HIRA: variants seen among roughly 807,000 people sequenced by gnomAD.
The protein encoded by HIRA is protein HIRA.
In HIRA, 13 loss-of-function variants were observed where a neutral mutation model predicts 126.6. The ratio of observed to expected loss-of-function variants is 0.10; its 90% CI spans 0.07 to 0.16. The LOEUF is 0.16. Among genes scored for constraint, HIRA ranks in the 10% least tolerant of loss-of-function variants. HIRA has a pLI of 1.00. For missense variants in HIRA, 834 were observed against 1,314.4 expected (o/e 0.63, Z 5.65); for synonymous variants, 511 against 520.0 (o/e 0.98, Z 0.24).
In HIRA at chr22:19,346,907, G is replaced by A. The variant is rs1284826234; in HGVS notation, c.2937+4451C>T. Among the ~76,000 whole-genome samples the A allele has an allele frequency of 2.6e-5, 4 of 152,180 alleles. No individual in the cohort carries two copies. The East Asian group carries it at 7.7e-4, about 29-fold the overall frequency. ...CAGTGAAGTGTCCTGTTTGGAGTTGGTAAGAATAATCAGCAGGAAGGAGGG... is the reference window on the plus strand; with the variant it reads ...CAGTGAAGTGTCCTGTTTGGAGTTGATAAGAATAATCAGCAGGAAGGAGGG... On this transcript the variant is annotated intron_variant, in intron 24 of 24. Transcript: ENST00000263208.
intron 1 of HIRA, among the ~76,000 whole-genome samples, chr22:19,427,736 G>A (rs570830725): frequency 6.6e-6 from 1 of 152,262 alleles, no homozygotes; most frequent in East Asian, 1.9e-4. Flanking sequence ...GAGCATAAGC[G>A]CTGTCTGCCC....
intron 1 of HIRA, among the ~76,000 whole-genome samples, chr22:19,429,206 C>T (rs900535187): frequency 6.2e-5 from 8 of 129,324 alleles, no homozygotes; most frequent in South Asian, 2.6e-4. Flanking sequence ...GGCGCGATCT[C>T]GGCTCACTGC....
chr22:19,398,209 T>TG, intron 5 of HIRA, 122 bp from the exon 6 acceptor site: 1 of 674,234 alleles, frequency 1.5e-6, no homozygotes, highest in Non-Finnish European at 2.6e-6. Context: ...TTAACCAACC[T>TG]GAAAAAACTC....
At chr22:19,383,214 T>G (rs2089092742) in intron 13 of HIRA, among the ~76,000 whole-genome samples, 1 of 152,142 alleles carries the variant, frequency 6.6e-6, no homozygotes, top group Non-Finnish European at 1.5e-5. Flanking sequence ...ATGGATAATG[T>G]TTTTTTCTTC....
intron 1 of HIRA, 46 bp downstream of exon 1, chr22:19,431,394 G>C (rs945635626): frequency 1.3e-6 from 2 of 1,598,744 alleles, no homozygotes; most frequent in Admixed American, 1.7e-5. Flanking sequence ...TCCAGACCCC[G>C]ACCCGACTCC....
At chr22:19,350,702 G>A (rs545198632) in intron 24 of HIRA, among the ~76,000 whole-genome samples, 1 of 152,016 alleles carries the variant, frequency 6.6e-6, no homozygotes, top group African/African-American at 2.4e-5. Flanking sequence ...AGAAGAAAAC[G>A]CTAGCTCCTG....
chr22:19,348,482 T>C (rs1387980879), intron 24 of HIRA, among the ~76,000 whole-genome samples: 1 of 151,354 alleles, frequency 6.6e-6, no homozygotes, highest in Non-Finnish European at 1.5e-5. Flanking sequence ...ATTGAAAGCA[T>C]GAAAAATGAT....
intron 13 of HIRA, 88 bp from the exon 14 acceptor site, chr22:19,378,154 C>T (rs1310827314): frequency 2.1e-6 from 2 of 940,774 alleles, no homozygotes; most frequent in Admixed American, 6.1e-5. Context: ...TTTCTAGGTC[C>T]AAAGGCAGTA....
chr22:19,376,958 C>T (rs1300005745), intron 14 of HIRA, among the ~76,000 whole-genome samples: 1 of 152,222 alleles, frequency 6.6e-6, no homozygotes, highest in Non-Finnish European at 1.5e-5. Context: ...GATCTCAAAG[C>T]CTTCTACGTC....
chr22:19,345,979 TATAC>T (rs1199515521), intron 24 of HIRA, among the ~76,000 whole-genome samples: 2 of 152,200 alleles, frequency 1.3e-5, no homozygotes, highest in African/African-American at 4.8e-5. Flanking sequence ...GCTCCTATAA[TATAC>T]ATAGAGTTCC....
At chr22:19,404,548 G>A (rs982935235) in intron 5 of HIRA, among the ~76,000 whole-genome samples, 73 of 152,090 alleles carry the variant, frequency 4.8e-4, no homozygotes, top group African/African-American at 1.6e-3. Flanking sequence ...ATCTATGGCC[G>A]CCACCAAGAT....
Position 19,377,854 on chromosome 22 carries a change from T to G in HIRA, c.1613+15A>C, listed in dbSNP as rs373178900. 1 of 1,589,838 alleles carries G rather than the reference T, an allele frequency of 6.3e-7. No homozygotes were observed. Among genetic ancestry groups the G allele is most frequent in the Non-Finnish European group, 8.6e-7 (1 of 1,166,714 alleles). ...CTTTCCCCAGGGACAGGAACAAGCCTTGGCACCCACTAACCTGTCTTTATT... is the reference window on the plus strand; with the variant it reads ...CTTTCCCCAGGGACAGGAACAAGCCGTGGCACCCACTAACCTGTCTTTATT... On this transcript the variant is annotated intron_variant, in intron 14 of 24. Transcript: ENST00000263208.
chr22:19,377,261 G>C (rs1361355751), intron 14 of HIRA, among the ~76,000 whole-genome samples: 1 of 152,224 alleles, frequency 6.6e-6, no homozygotes, highest in Non-Finnish European at 1.5e-5. Flanking sequence ...CTGAGGATGA[G>C]GACCCACCCA....
At chr22:19,353,208 T>A (rs2088775816) in intron 23 of HIRA, 148 bp downstream of exon 23, 2 of 921,152 alleles carry the variant, frequency 2.2e-6, no homozygotes, top group African/African-American at 1.6e-5. Flanking sequence ...GCTGGGTGCC[T>A]GCTGAGCTGC....
intron 15 of HIRA, 66 bp from the exon 16 acceptor site, chr22:19,361,997 A>C: frequency 1.3e-6 from 2 of 1,509,150 alleles, no homozygotes; most frequent in Non-Finnish European, 1.8e-6. Context: ...GTGAAGTGAA[A>C]TATTTAAAGT....
At chr22:19,347,691 C>A (rs141661511) in intron 24 of HIRA, among the ~76,000 whole-genome samples, 1 of 152,088 alleles carries the variant, frequency 6.6e-6, no homozygotes, top group African/African-American at 2.4e-5. Context: ...ATAATCCCAG[C>A]ACTTCGGGAG....
Position 19,396,726 on chromosome 22 carries a change from G to C in HIRA, c.654+61C>G. ...ATGGCCAGCTCCCTCTCTGTACACA[G>C]AAGTCAGGAAGAGGCTGGGGCAGCT... On this transcript the variant is annotated intron_variant, in intron 7 of 24. Coordinates refer to ENST00000263208, the MANE Select transcript of HIRA (RefSeq NM_003325.4). 5 of 1,566,210 alleles carry C rather than the reference G, an allele frequency of 3.2e-6. No homozygotes were observed. The South Asian group carries it at 4.5e-5, about 14-fold the overall frequency.
chr22:19,400,835 A>C (rs899261484), intron 5 of HIRA, among the ~76,000 whole-genome samples: 25 of 152,180 alleles, frequency 1.6e-4, no homozygotes, highest in African/African-American at 6.0e-4. Flanking sequence ...CCCCACGGTC[A>C]TGTCCAGAGG....
At chr22:19,392,393 T>G (rs1350717752) in intron 8 of HIRA, among the ~76,000 whole-genome samples, 179 bp from the exon 9 acceptor site, 2 of 152,170 alleles carry the variant, frequency 1.3e-5, no homozygotes, top group East Asian at 3.8e-4. Context: ...GAAAGGAAGC[T>G]TAGGGAGGTC....
Sources: allele counts gnomAD v4.1 joint callset (sites outside exome capture counted in the v4.1 genomes callset), GRCh38; gene constraint gnomAD v4.1.1; transcripts MANE v1.5; gene names NCBI Gene and HGNC (gene_info 2026-07-23, HGNC 2026-07-21).